The following RAP1GDS1 variants were observed in gnomAD, a reference collection of about 807,000 sequenced individuals.
RAP1GDS1 encodes the protein Rap1 GTPase-GDP dissociation stimulator 1, also known as RAP1, GTP-GDP dissociation stimulator 1.
A neutral mutation model predicts 71.1 loss-of-function variants in RAP1GDS1; 35 were observed. That is an observed-to-expected ratio of 0.49 (90% CI 0.38 to 0.65). The LOEUF is 0.65. Among genes scored for constraint, RAP1GDS1 ranks in the 30% least tolerant of loss-of-function variants. The pLI is 0.00. For synonymous variants in RAP1GDS1, 229 were observed against 243.1 expected (o/e 0.94, Z 0.54); for missense variants, 663 against 706.1 (o/e 0.94, Z 0.69).
chr4:98,316,980 C>G (rs1731036123), intron 2 of RAP1GDS1, among the ~76,000 whole-genome samples: 1 of 152,140 alleles, frequency 6.6e-6, no homozygotes, highest in Non-Finnish European at 1.5e-5. Flanking sequence ...TGCAGTTAAT[C>G]TTTTCCCAGT....
At chr4:98,326,186 C>T (rs1011553585) in intron 2 of RAP1GDS1, among the ~76,000 whole-genome samples, 1 of 152,164 alleles carries the variant, frequency 6.6e-6, no homozygotes, top group Admixed American at 6.5e-5. Flanking sequence ...CTCTTCCAAA[C>T]ATATGCTTTT....
intron 1 of RAP1GDS1, among the ~76,000 whole-genome samples, chr4:98,283,963 A>T (rs529274151): frequency 6.6e-6 from 1 of 152,198 alleles, no homozygotes; most frequent in African/African-American, 2.4e-5. Flanking sequence ...TCCTTTGCAC[A>T]GTTCTGATTA....
rs372204017 is a variant in RAP1GDS1, at chr4:98,276,810, A to T, written c.4+15241A>T. Among the ~76,000 whole-genome samples the T allele has an allele frequency of 1.1e-4, 17 of 152,308 alleles. No homozygotes were observed. In the South Asian group the frequency reaches 3.5e-3, roughly 32 times the overall value. On this transcript the variant is annotated intron_variant, in intron 1 of 14. Transcript: ENST00000408927. Reference sequence around the variant, plus strand: ...CTAAGAATGTGGGCCCAAGGAAGTCACATTTTTGACTTTTCAAAAGAAGTC... The same window carrying T: ...CTAAGAATGTGGGCCCAAGGAAGTCTCATTTTTGACTTTTCAAAAGAAGTC...
At chr4:98,339,698 A>G (rs986879531) in intron 2 of RAP1GDS1, among the ~76,000 whole-genome samples, 2 of 152,242 alleles carry the variant, frequency 1.3e-5, no homozygotes, top group African/African-American at 4.8e-5. Context: ...TTCACAGGTC[A>G]ATATACATTT....
Position 98,278,659 on chromosome 4 carries a change from C to T in RAP1GDS1, c.5-14749C>T, listed in dbSNP as rs932021445. 2.6e-5 allele frequency among the ~76,000 whole-genome samples: 4 copies of T among 152,272 alleles called. No homozygotes were observed. The South Asian group carries it at 6.2e-4, about 24-fold the overall frequency. ...AGTTGCTTAAGCTCTTTTATATCCT[C>T]ATTTTATATATACCCTTAAGATATT... is the stretch of plus-strand genomic sequence containing the variant. On this transcript the variant is annotated intron_variant, in intron 1 of 14. Coordinates refer to ENST00000408927, the MANE Select transcript of RAP1GDS1 (RefSeq NM_001100427.2).
chr4:98,297,737 A>G (rs1727987724), intron 2 of RAP1GDS1, among the ~76,000 whole-genome samples: 1 of 152,120 alleles, frequency 6.6e-6, no homozygotes, highest in African/African-American at 2.4e-5. Context: ...TTTAATTTAG[A>G]CCAATTAATA....
At chr4:98,380,752 C>G (rs551764575) in intron 5 of RAP1GDS1, among the ~76,000 whole-genome samples, 1 of 151,570 alleles carries the variant, frequency 6.6e-6, no homozygotes, top group South Asian at 2.1e-4. Flanking sequence ...TGGGCTTGGA[C>G]ATTTGAGGAA....
At chr4:98,405,929 A>G (rs1395531068) in intron 7 of RAP1GDS1, among the ~76,000 whole-genome samples, 3 of 152,100 alleles carry the variant, frequency 2.0e-5, no homozygotes, top group African/African-American at 4.8e-5. Context: ...TTTAAAATAT[A>G]CCACAAACTG....
rs1276795067 is a variant in RAP1GDS1 at position 98,261,476 on chromosome 4, A to C, written c.-90A>C. The C allele has an allele frequency of 7.5e-7, 1 of 1,334,916 alleles. No individual in the cohort carries two copies. Among genetic ancestry groups the C allele is most frequent in the Non-Finnish European group, 1.0e-6 (1 of 989,508 alleles). 82.7% of individuals were successfully genotyped at this position (1,334,916 alleles called of 1,614,324 possible). ...GCGGGTCCCTCCCTGGCTGCGGGAG[A>C]GACGGAGGTAGAGGGAGGACACAGA... is the stretch of plus-strand genomic sequence containing the variant. On this transcript the variant is annotated 5_prime_UTR_variant, in exon 1 of 15. Coordinates refer to ENST00000408927, the MANE Select transcript of RAP1GDS1 (RefSeq NM_001100427.2).
intron 1 of RAP1GDS1, among the ~76,000 whole-genome samples, chr4:98,261,796 C>G (rs184025839): frequency 6.4e-4 from 98 of 152,076 alleles, no homozygotes; most frequent in African/African-American, 2.3e-3. Context: ...CGGGCCGGAC[C>G]GCCGCCCGGC....
chr4:98,278,000 A>T (rs1337424536), intron 1 of RAP1GDS1, among the ~76,000 whole-genome samples: 1 of 152,114 alleles, frequency 6.6e-6, no homozygotes, highest in African/African-American at 2.4e-5. Context: ...GCCAAGGCGG[A>T]TGTGTCACTT....
intron 1 of RAP1GDS1, among the ~76,000 whole-genome samples, chr4:98,280,032 C>A (rs1172086454): frequency 2.6e-5 from 4 of 152,098 alleles, no homozygotes; most frequent in African/African-American, 9.7e-5. Flanking sequence ...GGTTCGTTCC[C>A]AGTCTTTGCT....
intron 4 of RAP1GDS1, among the ~76,000 whole-genome samples, chr4:98,368,103 G>C (rs956445522): frequency 1.3e-5 from 2 of 152,036 alleles, no homozygotes; most frequent in African/African-American, 4.8e-5. Flanking sequence ...TTGAATCATG[G>C]GGGCAGATCT....
At chr4:98,380,572 T>A (rs536937235) in intron 5 of RAP1GDS1, among the ~76,000 whole-genome samples, 2 of 151,828 alleles carry the variant, frequency 1.3e-5, no homozygotes, top group East Asian at 3.9e-4. Context: ...GAAGAACAAA[T>A]GCCCTAAATA....
chr4:98,315,318 A>G (rs1730777468), intron 2 of RAP1GDS1, among the ~76,000 whole-genome samples: 1 of 152,062 alleles, frequency 6.6e-6, no homozygotes, highest in Admixed American at 6.6e-5. Context: ...TTATATTCCC[A>G]AGATAGTAGC....
At chr4:98,265,168 T>G (rs1303547316) in intron 1 of RAP1GDS1, among the ~76,000 whole-genome samples, 1 of 152,308 alleles carries the variant, frequency 6.6e-6, no homozygotes, top group African/African-American at 2.4e-5. Context: ...ACGAAAATGT[T>G]TAATGGCTTG....
intron 4 of RAP1GDS1, among the ~76,000 whole-genome samples, chr4:98,378,465 A>G (rs1250883902): frequency 2.0e-5 from 3 of 151,964 alleles, no homozygotes; most frequent in African/African-American, 4.8e-5. Context: ...AACAAAGACC[A>G]TAGTACCAAT....
chr4:98,305,395 G>A (rs1372538537), intron 2 of RAP1GDS1, among the ~76,000 whole-genome samples: 2 of 151,982 alleles, frequency 1.3e-5, no homozygotes. Flanking sequence ...AGGAACCTTA[G>A]GTTCATTATT....
intron 5 of RAP1GDS1, among the ~76,000 whole-genome samples, chr4:98,390,791 A>G (rs888781270): frequency 3.9e-5 from 6 of 152,208 alleles, no homozygotes; most frequent in African/African-American, 9.6e-5. Context: ...GATTGGAACT[A>G]TGAGGAACGT....
Sources: gnomAD v4.1 joint callset for allele counts (sites outside exome capture counted in the v4.1 genomes callset) on GRCh38, gnomAD v4.1.1 for gene constraint, MANE v1.5 for transcripts, NCBI Gene and HGNC (gene_info 2026-07-23, HGNC 2026-07-21) for gene names.